Variants in SLC30A6 observed in about 807,000 individuals in gnomAD.
The protein encoded by SLC30A6 is solute carrier family 30 member 6.
A neutral mutation model predicts 63.0 loss-of-function variants in SLC30A6; 55 were observed. The ratio of observed to expected loss-of-function variants is 0.87; its 90% CI spans 0.70 to 1.09. The LOEUF is 1.09. SLC30A6 is among the 50% of genes least tolerant of loss of function. SLC30A6 has a pLI of 0.00. For synonymous variants in SLC30A6, 224 were observed against 186.1 expected (o/e 1.20, Z -1.66); for missense variants, 587 against 549.2 (o/e 1.07, Z -0.69).
chr2:32,203,002 G>A (rs1354515153), intron 10 of SLC30A6: 4 of 1,157,218 alleles, frequency 3.5e-6, no homozygotes, highest in African/African-American at 1.5e-5. Flanking sequence ...ACCCAGAGGA[G>A]TGTAACTGAA....
chr2:32,211,286 G>A (rs553699873), intron 13 of SLC30A6, among the ~76,000 whole-genome samples: 8 of 152,178 alleles, frequency 5.3e-5, no homozygotes, highest in East Asian at 1.9e-4. Context: ...AGAAGGGGCC[G>A]TTGGGAACAA....
At chr2:32,186,533 C>T (rs993659317) in intron 5 of SLC30A6, among the ~76,000 whole-genome samples, 1 of 151,922 alleles carries the variant, frequency 6.6e-6, no homozygotes, top group African/African-American at 2.4e-5. Context: ...TAAAAACACA[C>T]ACACAAAAAT....
chr2:32,181,555 A>G (rs1682313081), intron 4 of SLC30A6, among the ~76,000 whole-genome samples: 1 of 152,218 alleles, frequency 6.6e-6, no homozygotes, highest in Non-Finnish European at 1.5e-5. Flanking sequence ...ATTTACAAAG[A>G]AAAATTTTAC....
chr2:32,198,352 T>C (rs1443140898), intron 10 of SLC30A6, among the ~76,000 whole-genome samples: 1 of 152,230 alleles, frequency 6.6e-6, no homozygotes, highest in Non-Finnish European at 1.5e-5. Context: ...TTTTGTTTGC[T>C]ACTTCTGTGG....
At chr2:32,187,607 T>C (rs1305585152) in intron 5 of SLC30A6, among the ~76,000 whole-genome samples, 1 of 152,222 alleles carries the variant, frequency 6.6e-6, no homozygotes, top group African/African-American at 2.4e-5. Flanking sequence ...TCCAGTTCTC[T>C]AGGCCTGAGA....
At chr2:32,167,536 C>A (rs1680794220) in intron 1 of SLC30A6, among the ~76,000 whole-genome samples, 1 of 152,102 alleles carries the variant, frequency 6.6e-6, no homozygotes, top group African/African-American at 2.4e-5. Context: ...TCTCTATCGG[C>A]TGTCCTTATC....
At chr2:32,167,124 G>A (rs1023619001) in intron 1 of SLC30A6, among the ~76,000 whole-genome samples, 4 of 152,132 alleles carry the variant, frequency 2.6e-5, no homozygotes, top group African/African-American at 7.2e-5. Context: ...TGCCCAGGCT[G>A]GAGTGCAATG....
chr2:32,207,949 C>G (rs1684923646), intron 12 of SLC30A6, among the ~76,000 whole-genome samples: 1 of 151,674 alleles, frequency 6.6e-6, no homozygotes, highest in Non-Finnish European at 1.5e-5. Context: ...CCACCCACCT[C>G]GACCTCCCAA....
intron 13 of SLC30A6, among the ~76,000 whole-genome samples, chr2:32,216,929 C>A (rs564014473): frequency 2.0e-5 from 3 of 151,972 alleles, no homozygotes; most frequent in Admixed American, 6.6e-5. Context: ...AGCTCTGTCA[C>A]CCAGGCTGGA....
At chr2:32,213,922 G>C (rs1344942746) in intron 13 of SLC30A6, among the ~76,000 whole-genome samples, 1 of 150,220 alleles carries the variant, frequency 6.7e-6, no homozygotes, top group Non-Finnish European at 1.5e-5. Context: ...TCCTGCCTCA[G>C]CCTCCCAAGT....
intron 11 of SLC30A6, among the ~76,000 whole-genome samples, chr2:32,205,984 A>G (rs1239115748): frequency 6.6e-6 from 1 of 151,548 alleles, no homozygotes; most frequent in East Asian, 1.9e-4. Flanking sequence ...TTTTTTTTAG[A>G]TATTTATTTT....
At chr2:32,217,414 T>C (rs1685803560) in intron 13 of SLC30A6, among the ~76,000 whole-genome samples, 1 of 152,196 alleles carries the variant, frequency 6.6e-6, no homozygotes, top group African/African-American at 2.4e-5. Context: ...TTTATTCTGT[T>C]CCATTGGTCT....
At chr2:32,205,254 A>G (rs921764146) in intron 11 of SLC30A6, among the ~76,000 whole-genome samples, 3 of 152,088 alleles carry the variant, frequency 2.0e-5, no homozygotes, top group African/African-American at 4.8e-5. Flanking sequence ...CCCTGTCTCT[A>G]CTAAAAAAAT....
At chr2:32,179,650 G>GT (rs1420235684) in intron 4 of SLC30A6, among the ~76,000 whole-genome samples, 1 of 152,122 alleles carries the variant, frequency 6.6e-6, no homozygotes, top group African/African-American at 2.4e-5. Context: ...GCATTTTATG[G>GT]TTTTGAGGTC....
intron 3 of SLC30A6, 41 bp from the exon 4 acceptor site, chr2:32,175,278 G>A (rs749211290): frequency 2.5e-6 from 4 of 1,575,334 alleles, no homozygotes; most frequent in Non-Finnish European, 3.5e-6. Flanking sequence ...TTTTTTAGAG[G>A]GGTCAGTAAT....
At chr2:32,190,458 CA>C (rs35454386) in intron 5 of SLC30A6, among the ~76,000 whole-genome samples, 71,446 of 128,254 alleles carry the variant, frequency 0.56, 17,618 homozygotes, top group African/African-American at 0.59. Flanking sequence ...GACTCCGTCT[CA>C]AAAAAAAAAA....
intron 4 of SLC30A6, chr2:32,177,586 C>T (rs376689769): frequency 5.7e-6 from 1 of 175,750 alleles, no homozygotes. Flanking sequence ...GCTACCGTGC[C>T]TGAGCAATAG....
intron 5 of SLC30A6, among the ~76,000 whole-genome samples, chr2:32,190,355 A>C (rs1201779418): frequency 6.6e-6 from 1 of 151,622 alleles, no homozygotes; most frequent in Non-Finnish European, 1.5e-5. Context: ...GCTACTTGGG[A>C]GGCTGAGGCA....
rs372351330 is a variant in SLC30A6, at chr2:32,220,426, A to G, written c.1099A>G (p.Thr367Ala). The G allele has an allele frequency of 8.1e-6, 13 of 1,614,220 alleles. No individual in the cohort carries two copies. The highest frequency in any genetic ancestry group is 4.5e-5 in the East Asian group (2 of 44,890). Residue 367 changes from threonine (T) to alanine (A), a missense_variant, in exon 14 of 14, where the codon ACT becomes GCT. Thr to Ala is a moderately conservative substitution (Grantham distance 58, BLOSUM62 0). Transcript: ENST00000282587. ...HVIPMPLLKG[T>A]DDLNPVTSTP... ...AATCCCAATGCCTCTTTTAAAGGGT[A>G]CTGATGATTTGAACCCAGTTACATC...
Sources: allele counts gnomAD v4.1 joint callset (sites outside exome capture counted in the v4.1 genomes callset), GRCh38; gene constraint gnomAD v4.1.1; transcripts MANE v1.5; gene names NCBI Gene and HGNC (gene_info 2026-07-23, HGNC 2026-07-21).